Variants in UCP3 observed in about 807,000 individuals in gnomAD.
UCP3 encodes uncoupling protein 3.
A neutral mutation model predicts 28.1 loss-of-function variants in UCP3; 24 were observed. The observed-to-expected ratio is 0.85, with a 90% confidence interval of 0.62 to 1.20. The LOEUF (loss-of-function observed/expected upper bound fraction) is 1.20, where lower values mean the gene tolerates loss of function less well. Among genes scored for constraint, UCP3 ranks in the 50% most tolerant of loss-of-function variants. The pLI, the probability that UCP3 is intolerant of heterozygous loss-of-function variation, is 0.00. For synonymous variants in UCP3, 184 were observed against 171.2 expected (o/e 1.07, Z -0.59); for missense variants, 397 against 422.2 (o/e 0.94, Z 0.52).
In UCP3 at chr11:74,001,379, A is replaced by G; in HGVS notation, c.*33T>C. The stretch of plus-strand genomic sequence containing the variant: ...TTCTTCCATTCTTAACTGGTTTCGG[A>G]CACGTTAGCTACCAGTGGCCTTCTT... On this transcript the variant is annotated 3_prime_UTR_variant, in exon 7 of 7. Coordinates refer to ENST00000314032, the MANE Select transcript of UCP3 (RefSeq NM_003356.4). 1 of 1,607,630 alleles carries G rather than the reference A, an allele frequency of 6.2e-7. No homozygotes were observed.
At chr11:74,006,687 C>T (rs1445233316) in intron 2 of UCP3, among the ~76,000 whole-genome samples, 1 of 152,190 alleles carries the variant, frequency 6.6e-6, no homozygotes, top group African/African-American at 2.4e-5. Flanking sequence ...GCATGCTTTA[C>T]AAAGTAGGGC....
chr11:74,004,062 G>A (rs879799374), intron 5 of UCP3, 55 bp from the exon 6 acceptor site: 7 of 1,599,410 alleles, frequency 4.4e-6, no homozygotes, highest in Non-Finnish European at 6.0e-6. Context: ...CTGTCCATAT[G>A]TATGCACTGT....
chr11:74,007,074 G>C lies in UCP3; in HGVS notation c.-32C>G, dbSNP rs1377382087. The C allele has an allele frequency of 6.2e-7, 1 of 1,612,020 alleles. No individual in the cohort carries two copies. Among genetic ancestry groups the C allele is most frequent in the African/African-American group, 1.3e-5 (1 of 74,892 alleles). ...GGAAGGCTCTGCCCAGTCCCTTTAG[G>C]GCCGAGAGGAGGTCCAAGGAGAGAG... is the stretch of plus-strand genomic sequence containing the variant. On this transcript the variant is annotated 5_prime_UTR_variant, in exon 2 of 7. Transcript: ENST00000314032.
At chr11:74,005,131 C>T (rs1424717879) in intron 4 of UCP3, among the ~76,000 whole-genome samples, 2 of 152,212 alleles carry the variant, frequency 1.3e-5, no homozygotes, top group African/African-American at 4.8e-5. Context: ...GTTCCTGCAA[C>T]CTCTGGTTCA....
chr11:74,002,316 A>C (rs1228522445), intron 6 of UCP3: 1 of 152,750 alleles, frequency 6.5e-6, no homozygotes, highest in Non-Finnish European at 1.5e-5. Context: ...TGGAGGACTC[A>C]GTTTGGGCAC....
rs1006106669 is a variant in UCP3, at chr11:74,004,418, C to T, written c.643+66G>A. 17 of 1,490,658 alleles carry T rather than the reference C, an allele frequency of 1.1e-5. No individual in the cohort carries two copies. In the South Asian group the frequency reaches 1.5e-4, roughly 13 times the overall value. 92.3% of individuals were successfully genotyped at this position (1,490,658 alleles called of 1,614,324 possible). On this transcript the variant is annotated intron_variant, in intron 5 of 6. Transcript: ENST00000314032. Reference sequence around the variant, plus strand: ...CCCAGTTGCCTCTGGGTGGTGCCCACTCCACGGAGTTCTGGGTTCCCTCCC... The same window carrying T: ...CCCAGTTGCCTCTGGGTGGTGCCCATTCCACGGAGTTCTGGGTTCCCTCCC...
intron 6 of UCP3, chr11:74,002,780 G>T (rs1390031614): frequency 1.0e-6 from 1 of 985,312 alleles, no homozygotes; most frequent in Non-Finnish European, 1.2e-6. Flanking sequence ...TTGCAGTATA[G>T]TTTTATTACG....
chr11:74,001,206 G>A lies in UCP3; in HGVS notation c.*206C>T. ...ATATAATTTATTTTCCATCTTGTCA[G>A]TGCAAAACAAAGGTGTTCTTGAGGC... On this transcript the variant is annotated 3_prime_UTR_variant, in exon 7 of 7. Transcript: ENST00000314032. The A allele has an allele frequency of 3.4e-6, 2 of 589,932 alleles. No individual in the cohort carries two copies. Among genetic ancestry groups the A allele is most frequent in the Non-Finnish European group, 6.0e-6 (2 of 331,498 alleles). 36.5% of individuals were successfully genotyped at this position (589,932 alleles called of 1,614,324 possible). A position where few individuals can be genotyped will look rare whatever the true frequency, so the allele number is the denominator to read the frequency against.
rs1270446155 is a variant in UCP3 at position 74,006,002 on chromosome 11, C to T, written c.338-69G>A. The T allele has an allele frequency of 5.7e-6, 9 of 1,584,996 alleles. No homozygotes were observed. The East Asian group carries it at 6.8e-5, about 12-fold the overall frequency. On this transcript the variant is annotated intron_variant, in intron 3 of 6. Transcript: ENST00000314032. ...GCATTCTGGGACATGCTGTTCTCTG[C>T]GGGGCTGCCCCTGCAGCTTCCTTGA... is the stretch of plus-strand genomic sequence containing the variant.
intron 5 of UCP3, 107 bp downstream of exon 5, chr11:74,004,377 T>C: frequency 1.9e-6 from 2 of 1,025,794 alleles, no homozygotes; most frequent in Non-Finnish European, 2.9e-6. Flanking sequence ...TGCTTCTCTC[T>C]CTGCTCCTTC....
At chr11:74,008,827 C>T (rs1216214830) in intron 1 of UCP3, among the ~76,000 whole-genome samples, 151 bp downstream of exon 1, 2 of 152,114 alleles carry the variant, frequency 1.3e-5, no homozygotes, top group African/African-American at 2.4e-5. Context: ...CATAAGGTGG[C>T]GGCTGGACTG....
At position 74,006,920 on chromosome 11, in the gene UCP3, C is replaced by A; in HGVS notation, c.123G>T (p.Leu41=). 6.2e-7 allele frequency: 1 copy of A among 1,614,210 alleles called. No individual in the cohort carries two copies. Among genetic ancestry groups the A allele is most frequent in the Non-Finnish European group, 8.5e-7 (1 of 1,180,044 alleles). Residue 41 remains leucine (L), a synonymous_variant, in exon 2 of 7, where the codon CTG becomes CTT. Transcript: ENST00000314032. ...TFPLDTAKVR[L]QIQGENQAVQ... is the part of the protein sequence containing the mutation. ...CCCTTGGCCAAAGGGCACCTACCTG[C>A]AGGCGGACCTTGGCTGTGTCCAGTG...
rs544545178 is a variant in UCP3 at position 74,003,807 on chromosome 11, G to A, written c.824+20C>T. 60 of 1,562,334 alleles carry A rather than the reference G, an allele frequency of 3.8e-5. No individual in the cohort carries two copies. The South Asian group carries it at 6.7e-4, about 17-fold the overall frequency. On this transcript the variant is annotated intron_variant, in intron 6 of 6. Transcript: ENST00000314032. ...CCCCTGTTCTCTGGGAGGGAGTGCT[G>A]GAGGCAGGAGGAGGCTCACCCCTTG...
intron 2 of UCP3, among the ~76,000 whole-genome samples, 195 bp from the exon 3 acceptor site, chr11:74,006,574 AT>A (rs1278077997): frequency 6.6e-6 from 1 of 152,228 alleles, no homozygotes; most frequent in Non-Finnish European, 1.5e-5. Context: ...TTGGTGTTTG[AT>A]CCTCAGAGTA....
intron 6 of UCP3, 149 bp from the exon 7 acceptor site, chr11:74,001,675 C>CTTT: frequency 1.6e-6 from 1 of 607,006 alleles, no homozygotes; most frequent in Non-Finnish European, 2.9e-6. Context: ...CTCTCTCTCT[C>CTTT]TTTTTTTTTT....
chr11:74,007,101 C>G lies in UCP3; in HGVS notation c.-59G>C. 1 of 1,603,518 alleles carries G rather than the reference C, an allele frequency of 6.2e-7. No individual in the cohort carries two copies. The highest frequency in any genetic ancestry group is 8.5e-7 in the Non-Finnish European group (1 of 1,176,658). On this transcript the variant is annotated 5_prime_UTR_variant, in exon 2 of 7. Transcript: ENST00000314032. The stretch of plus-strand genomic sequence containing the variant: ...CCGAGAGGAGGTCCAAGGAGAGAGG[C>G]TGCTCCACAGCCCTGGGCTTCAGTG...
At chr11:74,003,765 A>T in intron 6 of UCP3, 62 bp downstream of exon 6, 1 of 1,520,544 alleles carries the variant, frequency 6.6e-7, no homozygotes. Flanking sequence ...CGGTAGCCAC[A>T]TTCGAAAAGA....
intron 6 of UCP3, 100 bp downstream of exon 6, chr11:74,003,727 C>G: frequency 6.6e-7 from 1 of 1,505,796 alleles, no homozygotes; most frequent in Non-Finnish European, 8.8e-7. Flanking sequence ...CATCTGTACT[C>G]TTCACCGCTA....
chr11:74,005,167 C>T (rs369914110), intron 4 of UCP3, among the ~76,000 whole-genome samples: 4 of 152,208 alleles, frequency 2.6e-5, no homozygotes, highest in African/African-American at 9.7e-5. Context: ...CTGCATTCAT[C>T]GCAGTGGCTG....
Sources: allele counts gnomAD v4.1 joint callset (sites outside exome capture counted in the v4.1 genomes callset), GRCh38; gene constraint gnomAD v4.1.1; transcripts MANE v1.5; gene names NCBI Gene and HGNC (gene_info 2026-07-23, HGNC 2026-07-21).